Variants in KLHL4 observed in about 807,000 individuals in gnomAD.
KLHL4 encodes kelch like family member 4, also known as kelch-like protein 4.
Under a neutral mutation model 45.8 loss-of-function variants are expected in KLHL4, and 17 were observed. The observed-to-expected ratio is 0.37, with a 90% CI of 0.25 to 0.56. KLHL4 has a LOEUF of 0.56. Ranked by LOEUF, KLHL4 falls within the 20% of genes least tolerant of loss-of-function variation. The pLI, the probability that KLHL4 is intolerant of heterozygous loss-of-function variation, is 0.79. For missense variants in KLHL4, 544 were observed against 544.9 expected, an observed-to-expected ratio of 1.00 and a Z score of 0.02; for synonymous variants, 224 against 189.9, an observed-to-expected ratio of 1.18 and a Z score of -1.47.
intron 1 of KLHL4, among the ~76,000 whole-genome samples, chrX:87,528,897 T>C (rs769116884): frequency 3.0e-4 from 33 of 109,269 alleles, no homozygotes; most frequent in Non-Finnish European, 5.1e-4. Context: ...TGAGGCAGAC[T>C]ATAAACAATC....
At position 87,518,043 on chromosome X, in the gene KLHL4, C is replaced by T. The variant is rs1275941375; in HGVS notation, c.150C>T (p.Gly50=). The part of the protein sequence containing the change: ...GYEHRGTPVQ[G]RLKSHSRDRN... ...AGCATAGAGGGACCCCGGTTCAGGG[C>T]AGGTTGAAGAGCCACTCTCGGGACA... The change falls in exon 1 of 11, where the codon GGC becomes GGT. Residue 50 remains glycine, a synonymous_variant. Transcript: ENST00000373119. The T allele has an allele frequency of 1.7e-6, 2 of 1,209,626 alleles. No individual in the cohort carries two copies. Among genetic ancestry groups the T allele is most frequent in the Non-Finnish European group, 2.2e-6 (2 of 895,173 alleles).
At chrX:87,606,234 T>G (rs953948722) in intron 1 of KLHL4, among the ~76,000 whole-genome samples, 7 of 108,573 alleles carry the variant, frequency 6.4e-5, no homozygotes, top group Non-Finnish European at 1.3e-4. Context: ...GTATATGAAA[T>G]GAATTTGAAA....
At chrX:87,633,250 G>GA (rs1336745516) in intron 7 of KLHL4, among the ~76,000 whole-genome samples, 3 of 111,539 alleles carry the variant, frequency 2.7e-5, no homozygotes, top group Non-Finnish European at 3.8e-5. Context: ...CATAATATTT[G>GA]AAAAAACAAA....
In KLHL4 at chrX:87,589,542, G is replaced by T. The variant is rs1921591246; in HGVS notation, c.423-24335G>T. On this transcript the variant is annotated intron_variant, in intron 1 of 10. Coordinates refer to ENST00000373119, the MANE Select transcript of KLHL4 (RefSeq NM_019117.5). ...GGAACTGGAGATCATTATGTTAAGT[G>T]AAATAAGCCAGGCACAGAAACACAA... Among the ~76,000 whole-genome samples the T allele has an allele frequency of 2.7e-5, 3 of 111,730 alleles. No homozygotes were observed. The South Asian group carries it at 1.1e-3, about 41-fold the overall frequency.
At chrX:87,593,041 T>C (rs1921726367) in intron 1 of KLHL4, among the ~76,000 whole-genome samples, 1 of 111,983 alleles carries the variant, frequency 8.9e-6, no homozygotes, top group Admixed American at 9.5e-5. Context: ...CTCCATTTTT[T>C]CTGATGTAAA....
chrX:87,580,997 A>G (rs1455762721), intron 1 of KLHL4, among the ~76,000 whole-genome samples: 4 of 111,827 alleles, frequency 3.6e-5, no homozygotes, highest in Non-Finnish European at 7.5e-5. Context: ...TGCCAGGTTG[A>G]TTGTTTGGAC....
intron 1 of KLHL4, among the ~76,000 whole-genome samples, chrX:87,571,242 A>G (rs762240546): frequency 9.0e-6 from 1 of 110,928 alleles, no homozygotes; most frequent in Non-Finnish European, 1.9e-5. Flanking sequence ...CATTGAATAT[A>G]GTTTCCATCA....
At chrX:87,639,573 C>A (rs973164297) in intron 9 of KLHL4, among the ~76,000 whole-genome samples, 2 of 111,219 alleles carry the variant, frequency 1.8e-5, no homozygotes, top group African/African-American at 6.5e-5. Context: ...CAAAACCATG[C>A]AAGTACATGG....
Position 87,667,562 on chromosome X carries a change from G to C in KLHL4, c.*1028G>C. On this transcript the variant is annotated 3_prime_UTR_variant, in exon 11 of 11. Transcript: ENST00000373119. Reference sequence around the variant, plus strand: ...TTTTCTGTTACTGTTATATTATCCAGTAGAAAATGTTAGGATATGTGTGCT... The same window carrying C: ...TTTTCTGTTACTGTTATATTATCCACTAGAAAATGTTAGGATATGTGTGCT... 4.7e-6 allele frequency: 3 copies of C among 633,227 alleles called. No homozygotes were observed. Among genetic ancestry groups the C allele is most frequent in the Non-Finnish European group, 5.6e-6 (3 of 532,643 alleles). 52.2% of individuals were successfully genotyped at this position (633,227 alleles called of 1,213,427 possible). A position where few individuals can be genotyped will look rare whatever the true frequency, so the allele number is the denominator to read the frequency against.
At chrX:87,597,189 G>A (rs1015503410) in intron 1 of KLHL4, among the ~76,000 whole-genome samples, 3 of 111,026 alleles carry the variant, frequency 2.7e-5, no homozygotes. Context: ...GATTAAATGA[G>A]TTACTTTATA....
chrX:87,660,970 T>A (rs1233721544), intron 9 of KLHL4, among the ~76,000 whole-genome samples: 1 of 112,667 alleles, frequency 8.9e-6, no homozygotes, highest in Non-Finnish European at 1.9e-5. Flanking sequence ...ATGTTAAAAG[T>A]TGCCTAAAGG....
chrX:87,628,340 T>C (rs222079), intron 6 of KLHL4, among the ~76,000 whole-genome samples: 2 of 52,230 alleles, frequency 3.8e-5, no homozygotes, highest in Non-Finnish European at 1.1e-4. Flanking sequence ...ACAAAACTCT[T>C]TGGGGTTTTA....
At chrX:87,645,382 TC>T (rs1264521256) in intron 9 of KLHL4, among the ~76,000 whole-genome samples, 3 of 111,208 alleles carry the variant, frequency 2.7e-5, no homozygotes, top group African/African-American at 9.8e-5. Flanking sequence ...ATGGTCATAA[TC>T]AAAAAATCAA....
intron 9 of KLHL4, among the ~76,000 whole-genome samples, chrX:87,664,214 G>T (rs1370424184): frequency 9.0e-6 from 1 of 111,687 alleles, no homozygotes; most frequent in Admixed American, 9.6e-5. Flanking sequence ...TGACTCCACT[G>T]AAGATAAATA....
chrX:87,591,581 G>T (rs919944271), intron 1 of KLHL4, among the ~76,000 whole-genome samples: 2 of 111,627 alleles, frequency 1.8e-5, no homozygotes, highest in Admixed American at 1.9e-4. Context: ...TTGTAAAAAT[G>T]TTCTCCCACT....
chrX:87,529,133 A>G (rs1053224804), intron 1 of KLHL4, among the ~76,000 whole-genome samples: 8 of 111,865 alleles, frequency 7.2e-5, no homozygotes, highest in African/African-American at 2.3e-4. Context: ...ATGAAGAAAC[A>G]GTAAAGACCT....
chrX:87,642,756 C>T (rs1330858644), intron 9 of KLHL4, among the ~76,000 whole-genome samples: 1 of 111,779 alleles, frequency 8.9e-6, no homozygotes. Flanking sequence ...ATGTGAAATG[C>T]CCTGGAAAGT....
chrX:87,559,486 A>G (rs1932050063), intron 1 of KLHL4, among the ~76,000 whole-genome samples: 1 of 111,837 alleles, frequency 8.9e-6, no homozygotes, highest in Admixed American at 9.6e-5. Context: ...ATTCAATTTT[A>G]TATATCAAGA....
intron 5 of KLHL4, among the ~76,000 whole-genome samples, chrX:87,622,821 T>C (rs1259637404): frequency 1.8e-5 from 2 of 111,347 alleles, no homozygotes; most frequent in Non-Finnish European, 3.8e-5. Flanking sequence ...TATCTTTTAA[T>C]ATTATCCGCT....
Sources: gnomAD v4.1 joint callset for allele counts (sites outside exome capture counted in the v4.1 genomes callset) on GRCh38, gnomAD v4.1.1 for gene constraint, MANE v1.5 for transcripts, NCBI Gene and HGNC (gene_info 2026-07-23, HGNC 2026-07-21) for gene names.